ITGA8: variants seen among roughly 807,000 people sequenced by gnomAD.
ITGA8 encodes the protein integrin subunit alpha 8.
Under a neutral mutation model 142.3 loss-of-function variants are expected in ITGA8, and 91 were observed. The ratio of observed to expected loss-of-function variants is 0.64; its 90% CI spans 0.54 to 0.76. The LOEUF is 0.76. Among genes scored for constraint, ITGA8 ranks in the 30% least tolerant of loss-of-function variants. The pLI is 0.00. For missense variants in ITGA8, 1,406 were observed against 1,327.7 expected, an observed-to-expected ratio of 1.06 and a Z score of -0.92; for synonymous variants, 505 against 485.2, an observed-to-expected ratio of 1.04 and a Z score of -0.54.
chr10:15,699,094 G>A (rs1296830776), intron 2 of ITGA8, among the ~76,000 whole-genome samples: 1 of 152,144 alleles, frequency 6.6e-6, no homozygotes, highest in Non-Finnish European at 1.5e-5. Flanking sequence ...AACGAGCATG[G>A]CCAACATGGT....
At chr10:15,560,416 T>C (rs1165648573) in intron 25 of ITGA8, among the ~76,000 whole-genome samples, 1 of 152,212 alleles carries the variant, frequency 6.6e-6, no homozygotes, top group Non-Finnish European at 1.5e-5. Flanking sequence ...TAAAAAGATA[T>C]GAAATTAAAT....
chr10:15,560,553 G>C lies in ITGA8; in HGVS notation c.2638-2351C>G, dbSNP rs559507942. Among the ~76,000 whole-genome samples the C allele has an allele frequency of 2.6e-5, 4 of 152,272 alleles. No individual in the cohort carries two copies. The South Asian group carries it at 6.2e-4, about 24-fold the overall frequency. On this transcript the variant is annotated intron_variant, in intron 25 of 29. Coordinates refer to ENST00000378076, the MANE Select transcript of ITGA8 (RefSeq NM_003638.3). ...CTATTTATAATAGAGAAGAAAAACT[G>C]TAGCTTAACACTTTGTAGGCATATA...
At chr10:15,661,058 C>T (rs922200989) in intron 8 of ITGA8, 136 bp from the exon 9 acceptor site, 3 of 737,058 alleles carry the variant, frequency 4.1e-6, no homozygotes, top group African/African-American at 1.7e-5. Flanking sequence ...GTCCCCAAGC[C>T]CCAGGCCATC....
At chr10:15,599,084 A>ATT (rs1564368298) in intron 20 of ITGA8, among the ~76,000 whole-genome samples, 7 of 3,056 alleles carry the variant, frequency 2.3e-3, no homozygotes, top group South Asian at 0.083. Context: ...TTCTATAGTA[A>ATT]ATTTTTTTTT....
intron 1 of ITGA8, among the ~76,000 whole-genome samples, chr10:15,719,195 A>G (rs1000691262): frequency 6.6e-6 from 1 of 152,180 alleles, no homozygotes; most frequent in Non-Finnish European, 1.5e-5. Flanking sequence ...CTGGTAGCCG[A>G]CAGCTCTTGC....
intron 9 of ITGA8, 21 bp from the exon 10 acceptor site, chr10:15,659,076 C>T (rs770414567): frequency 1.9e-6 from 3 of 1,547,860 alleles, no homozygotes; most frequent in South Asian, 1.2e-5. Context: ...AGAAATTAAA[C>T]AGGTTACACC....
chr10:15,603,799 A>G (rs912675873), intron 20 of ITGA8, among the ~76,000 whole-genome samples: 2 of 152,118 alleles, frequency 1.3e-5, no homozygotes, highest in Admixed American at 6.6e-5. Context: ...GATTGGCTGG[A>G]CCTTCTTCCC....
chr10:15,516,533 T>A lies in ITGA8; in HGVS notation c.*625A>T, dbSNP rs1832963380. 6.6e-6 allele frequency: 1 copy of A among 152,236 alleles called. No individual in the cohort carries two copies. The highest frequency in any genetic ancestry group is 1.5e-5 in the Non-Finnish European group (1 of 68,042). The allele number at this position is 152,236 out of a possible 1,614,324, so 9.4% of individuals were successfully genotyped here. A position where few individuals can be genotyped will look rare whatever the true frequency, so the allele number is the denominator to read the frequency against. On this transcript the variant is annotated 3_prime_UTR_variant, in exon 30 of 30. Coordinates refer to ENST00000378076, the MANE Select transcript of ITGA8 (RefSeq NM_003638.3). ...AATCTTAATTTCCAAATTCTCTAGA[T>A]GACAGATTCTCAACCTAGAGACATG...
chr10:15,522,623 C>T (rs1833091763), intron 28 of ITGA8, among the ~76,000 whole-genome samples: 2 of 152,142 alleles, frequency 1.3e-5, no homozygotes, highest in South Asian at 4.1e-4. Context: ...AGTTTTAGTC[C>T]CTACTTTGAG....
At chr10:15,627,079 A>G (rs558877521) in intron 13 of ITGA8, among the ~76,000 whole-genome samples, 1 of 152,294 alleles carries the variant, frequency 6.6e-6, no homozygotes, top group East Asian at 1.9e-4. Flanking sequence ...CCCAGGATTC[A>G]GCAGGGGGCT....
rs139013996 is a variant in ITGA8, at chr10:15,628,107, C to T, written c.1400-11548G>A. 3.6e-3 allele frequency among the ~76,000 whole-genome samples: 552 copies of T among 152,020 alleles called. 8 individuals are homozygous for T. Among genetic ancestry groups the T allele is most frequent in the African/African-American group, 0.013 (523 of 41,336 alleles). ...AAAATTACCCTATATGGTCTACAAA[C>T]GGGAGGAACCCTCAGTTCTCGGAAT... On this transcript the variant is annotated intron_variant, in intron 13 of 29. Coordinates refer to ENST00000378076, the MANE Select transcript of ITGA8 (RefSeq NM_003638.3).
chr10:15,589,553 C>G (rs148514093), intron 22 of ITGA8, among the ~76,000 whole-genome samples: 1 of 152,198 alleles, frequency 6.6e-6, no homozygotes, highest in East Asian at 1.9e-4. Flanking sequence ...AAATGCAGGT[C>G]ATGGCAGTCA....
chr10:15,597,592 A>G lies in ITGA8; in HGVS notation c.2119-293T>C, dbSNP rs3737302. Among the ~76,000 whole-genome samples, 7,645 of 152,262 alleles carry G rather than the reference A, an allele frequency of 0.05. 322 individuals carry two copies. Among genetic ancestry groups the G allele is most frequent in the African/African-American group, 0.1 (4,285 of 41,534 alleles). ...TAGCTTAGACAATATCTTCACTAAG[A>G]TTAATGTGAAACTCAGGGCATGAAA... On this transcript the variant is annotated intron_variant, in intron 20 of 29. Coordinates refer to ENST00000378076, the MANE Select transcript of ITGA8 (RefSeq NM_003638.3).
intron 11 of ITGA8, among the ~76,000 whole-genome samples, chr10:15,652,616 T>C (rs1269067602): frequency 1.3e-5 from 2 of 152,200 alleles, no homozygotes; most frequent in African/African-American, 4.8e-5. Context: ...TCCACCTAAG[T>C]TGGAAATCTT....
chr10:15,535,274 C>A (rs1345939228), intron 27 of ITGA8, among the ~76,000 whole-genome samples: 1 of 152,174 alleles, frequency 6.6e-6, no homozygotes, highest in Non-Finnish European at 1.5e-5. Context: ...CCGCCCCCTG[C>A]TCCACGGTAC....
chr10:15,714,589 T>G (rs988553176), intron 2 of ITGA8, among the ~76,000 whole-genome samples: 5 of 152,218 alleles, frequency 3.3e-5, no homozygotes, highest in Non-Finnish European at 7.3e-5. Flanking sequence ...TTCATGCATT[T>G]GAAGTGCTGG....
intron 25 of ITGA8, among the ~76,000 whole-genome samples, chr10:15,570,085 AC>A (rs758392042): frequency 4.5e-4 from 68 of 152,366 alleles, no homozygotes; most frequent in Middle Eastern, 3.4e-3. Context: ...AGGTGACAGT[AC>A]TTTGAGAACC....
At chr10:15,524,346 A>C (rs1472934968) in intron 28 of ITGA8, among the ~76,000 whole-genome samples, 3 of 152,132 alleles carry the variant, frequency 2.0e-5, no homozygotes, top group Non-Finnish European at 4.4e-5. Flanking sequence ...GAGATGCTTG[A>C]CTCTTACTGG....
intron 18 of ITGA8, 34 bp from the exon 19 acceptor site, chr10:15,605,825 A>G: frequency 6.3e-7 from 1 of 1,589,756 alleles, no homozygotes. Context: ...GGAACAATCT[A>G]GGAAAATCTG....
Sources: gnomAD v4.1 joint callset for allele counts (sites outside exome capture counted in the v4.1 genomes callset) on GRCh38, gnomAD v4.1.1 for gene constraint, MANE v1.5 for transcripts, NCBI Gene and HGNC (gene_info 2026-07-23, HGNC 2026-07-21) for gene names.